GRB10: variants seen among roughly 807,000 people sequenced by gnomAD.
GRB10 encodes growth factor receptor-bound protein 10.
Under a neutral mutation model 80.9 loss-of-function variants are expected in GRB10, and 20 were observed. The ratio of observed to expected loss-of-function variants is 0.25; its 90% CI spans 0.17 to 0.36. The LOEUF is 0.36. Ranked by LOEUF, GRB10 falls within the 10% of genes least tolerant of loss-of-function variation. The probability of loss-of-function intolerance (pLI) is 1.00; values close to 1 mark genes in which losing one functional copy is unlikely to be tolerated. For synonymous variants in GRB10, 291 were observed against 291.5 expected (o/e 1.00, Z 0.02); for missense variants, 548 against 747.7 (o/e 0.73, Z 3.12).
intron 4 of GRB10, among the ~76,000 whole-genome samples, chr7:50,722,493 C>T (rs1036952458): frequency 2.6e-5 from 4 of 152,220 alleles, no homozygotes; most frequent in Non-Finnish European, 4.4e-5. Flanking sequence ...CCACAGAAAG[C>T]ACATTCCCAT....
chr7:50,593,223 T>G (rs1274562152), intron 18 of GRB10, 125 bp from the exon 19 acceptor site: 1 of 1,122,722 alleles, frequency 8.9e-7, no homozygotes, highest in Non-Finnish European at 1.3e-6. Context: ...CAGGGCAAGG[T>G]AGGCTAGAAA....
At chr7:50,752,402 G>C (rs1427108557) in intron 3 of GRB10, among the ~76,000 whole-genome samples, 1 of 152,190 alleles carries the variant, frequency 6.6e-6, no homozygotes. Flanking sequence ...CAAAACGGTT[G>C]TGTGGCACAA....
At chr7:50,775,342 C>T (rs2077512894) in intron 2 of GRB10, among the ~76,000 whole-genome samples, 1 of 152,164 alleles carries the variant, frequency 6.6e-6, no homozygotes, top group African/African-American at 2.4e-5. Context: ...GTCCTGCCTT[C>T]CAGACACAAT....
At position 50,661,310 on chromosome 7, in the gene GRB10, T is replaced by A. The variant is rs75960230; in HGVS notation, c.504+8412A>T. Among the ~76,000 whole-genome samples the A allele has an allele frequency of 3.5e-3, 530 of 152,300 alleles. 5 individuals are homozygous for A. Among genetic ancestry groups the A allele is most frequent in the African/African-American group, 0.012 (519 of 41,546 alleles). On this transcript the variant is annotated intron_variant, in intron 7 of 18. Transcript: ENST00000401949. ...AAGTGATTACTGTGGTTCCAGAAAA[T>A]TAATTTTTAAAATTAAGCAGAGGGA... is the stretch of plus-strand genomic sequence containing the variant.
rs1241509130 is a variant in GRB10, at chr7:50,592,683, A to G, written c.*269T>C. ...CTAAGCGGCCCAAGCCAAGATGATC[A>G]TTCCAGTTTATTTTCAACTTTCCGC... is the stretch of plus-strand genomic sequence containing the variant. On this transcript the variant is annotated 3_prime_UTR_variant, in exon 19 of 19. Transcript: ENST00000401949. The G allele has an allele frequency of 2.7e-5, 14 of 518,026 alleles. No individual in the cohort carries two copies. The Admixed American group carries it at 4.2e-4, about 16-fold the overall frequency. The allele number at this position is 518,026 out of a possible 1,614,324, so 32.1% of individuals were successfully genotyped here. A position where few individuals can be genotyped will look rare whatever the true frequency, so the allele number is the denominator to read the frequency against.
intron 3 of GRB10, among the ~76,000 whole-genome samples, chr7:50,752,636 G>A (rs1364572918): frequency 1.3e-5 from 2 of 152,186 alleles, no homozygotes; most frequent in African/African-American, 4.8e-5. Flanking sequence ...CCAAGGGTGA[G>A]CAGGGCCATG....
chr7:50,718,517 C>A (rs2067226412), intron 4 of GRB10, among the ~76,000 whole-genome samples: 1 of 152,156 alleles, frequency 6.6e-6, no homozygotes, highest in African/African-American at 2.4e-5. Flanking sequence ...AGCACACTGA[C>A]TGAGATCAGT....
intron 6 of GRB10, among the ~76,000 whole-genome samples, chr7:50,673,753 A>G (rs1409950109): frequency 6.6e-6 from 1 of 152,156 alleles, no homozygotes; most frequent in Non-Finnish European, 1.5e-5. Flanking sequence ...ACGCCTGTCC[A>G]GAACTCTTTC....
At chr7:50,648,308 A>G (rs948656147) in intron 7 of GRB10, among the ~76,000 whole-genome samples, 18 of 152,128 alleles carry the variant, frequency 1.2e-4, no homozygotes, top group African/African-American at 4.1e-4. Context: ...AGCGGAAGAC[A>G]GAGAACCCCG....
intron 2 of GRB10, among the ~76,000 whole-genome samples, chr7:50,769,748 G>A (rs2076780782): frequency 6.6e-6 from 1 of 151,974 alleles, no homozygotes; most frequent in African/African-American, 2.4e-5. Flanking sequence ...AGAGAATGCA[G>A]ATCCCTGCTT....
rs76321176 is a variant in GRB10 at position 50,646,429 on chromosome 7, A to G, written c.505-19451T>C. Among the ~76,000 whole-genome samples the G allele has an allele frequency of 3.8e-4, 58 of 152,368 alleles. No individual in the cohort carries two copies. In the East Asian group the frequency reaches 0.011, roughly 28 times the overall value. ...AGTGTCACCTCTGGAGAATGAGACT[A>G]GAGTTGGAAACTGAGAAGAAAGTGA... On this transcript the variant is annotated intron_variant, in intron 7 of 18. Coordinates refer to ENST00000401949, the MANE Select transcript of GRB10 (RefSeq NM_001350814.2).
chr7:50,617,741 G>T, intron 10 of GRB10: 1 of 425,262 alleles, frequency 2.4e-6, no homozygotes, highest in Non-Finnish European at 4.3e-6. Flanking sequence ...AAGGAGCTGG[G>T]GAGGGAGCCC....
intron 7 of GRB10, among the ~76,000 whole-genome samples, chr7:50,643,314 C>T (rs995178725): frequency 6.6e-6 from 1 of 152,166 alleles, no homozygotes; most frequent in African/African-American, 2.4e-5. Flanking sequence ...TAAATATCAA[C>T]ATCAGCATAA....
In GRB10 at chr7:50,592,763, G is replaced by T; in HGVS notation, c.*189C>A. On this transcript the variant is annotated 3_prime_UTR_variant, in exon 19 of 19. Transcript: ENST00000401949. ...CGATGCAGAGGGAGGCGACCCTGCT[G>T]GGTTCACAGCAGCAAATCGTCGTTT... is the stretch of plus-strand genomic sequence containing the variant. 1 of 671,190 alleles carries T rather than the reference G, an allele frequency of 1.5e-6. No individual in the cohort carries two copies. Among genetic ancestry groups the T allele is most frequent in the Non-Finnish European group, 2.6e-6 (1 of 386,200 alleles). The allele number at this position is 671,190 out of a possible 1,614,324, so 41.6% of individuals were successfully genotyped here.
intron 3 of GRB10, among the ~76,000 whole-genome samples, chr7:50,746,390 G>A (rs1284806809): frequency 6.6e-6 from 1 of 152,110 alleles, no homozygotes; most frequent in Non-Finnish European, 1.5e-5. Flanking sequence ...TTCAACTTAC[G>A]ACATTTGTGT....
chr7:50,647,869 G>A (rs539074373), intron 7 of GRB10, among the ~76,000 whole-genome samples: 1 of 152,302 alleles, frequency 6.6e-6, no homozygotes, highest in African/African-American at 2.4e-5. Flanking sequence ...GAGTGAGGAA[G>A]GGAATTGGGA....
intron 4 of GRB10, among the ~76,000 whole-genome samples, chr7:50,718,416 T>C (rs1283354673): frequency 6.6e-6 from 1 of 152,104 alleles, no homozygotes; most frequent in Non-Finnish European, 1.5e-5. Flanking sequence ...CTGATCCTGA[T>C]TATTTTGCCT....
rs991537423 is a variant in GRB10, at chr7:50,636,971, G to GT, written c.505-9994dup. 8.6e-5 allele frequency among the ~76,000 whole-genome samples: 13 copies of GT among 152,024 alleles called. No individual in the cohort carries two copies. The East Asian group carries it at 9.7e-4, about 11-fold the overall frequency. On this transcript the variant is annotated intron_variant, in intron 7 of 18. Coordinates refer to ENST00000401949, the MANE Select transcript of GRB10 (RefSeq NM_001350814.2). ...GTGTTCATTTGATGGCATGAGTTGT[G>GT]TTTTTTTTGTTTTGTTTTTGTTTTT...
chr7:50,744,763 G>A (rs967255623), intron 3 of GRB10, among the ~76,000 whole-genome samples: 1 of 152,114 alleles, frequency 6.6e-6, no homozygotes, highest in African/African-American at 2.4e-5. Context: ...GCATCACATG[G>A]CATTTAAAGC....
Sources: allele counts gnomAD v4.1 joint callset (sites outside exome capture counted in the v4.1 genomes callset), GRCh38; gene constraint gnomAD v4.1.1; transcripts MANE v1.5; gene names NCBI Gene and HGNC (gene_info 2026-07-23, HGNC 2026-07-21).